The following SOX5 variants were observed in gnomAD, a reference collection of about 807,000 sequenced individuals.
The protein encoded by SOX5 is SRY-box transcription factor 5.
A neutral mutation model predicts 92.0 loss-of-function variants in SOX5; 9 were observed. That is an observed-to-expected ratio of 0.10 (90% confidence interval 0.06 to 0.17). SOX5 has a LOEUF of 0.17. Ranked by LOEUF, SOX5 falls within the 10% of genes least tolerant of loss-of-function variation. The pLI is 1.00. For synonymous variants in SOX5, 344 were observed against 336.3 expected (o/e 1.02, Z -0.25); for missense variants, 642 against 944.5 (o/e 0.68, Z 4.20).
intron 4 of SOX5, among the ~76,000 whole-genome samples, chr12:24,201,386 C>T (rs1303406829): frequency 2.0e-5 from 3 of 151,918 alleles, no homozygotes; most frequent in Admixed American, 6.6e-5. Flanking sequence ...TATACACAAA[C>T]ATTTCATGTA....
Position 23,846,032 on chromosome 12 carries a change from G to A in SOX5, c.432C>T (p.Asp144=), listed in dbSNP as rs1182732346. ...CTTCCATTTTCCTCTGCTTCAAGGT[G>A]TCAACAACATCAGCTAAACTGCCCT... ...RRKGSLADVV[D]TLKQRKMEEL... is the part of the protein sequence containing the mutation. The change falls in exon 3 of 15, where the codon GAC becomes GAT. Residue 144 remains aspartate, a synonymous_variant. Coordinates refer to ENST00000451604, the MANE Select transcript of SOX5 (RefSeq NM_006940.6). 8 of 1,613,954 alleles carry A rather than the reference G, an allele frequency of 5.0e-6. No individual in the cohort carries two copies. In the East Asian group the frequency reaches 1.6e-4, roughly 31 times the overall value.
chr12:24,045,186 C>T (rs1956879171), intron 4 of SOX5, among the ~76,000 whole-genome samples: 1 of 152,198 alleles, frequency 6.6e-6, no homozygotes, highest in Middle Eastern at 3.2e-3. Flanking sequence ...CCACCCCTGA[C>T]TAGCCATGTG....
At chr12:23,822,579 G>A (rs1263321434) in intron 3 of SOX5, among the ~76,000 whole-genome samples, 4 of 152,168 alleles carry the variant, frequency 2.6e-5, no homozygotes, top group Non-Finnish European at 4.4e-5. Context: ...GAAGTGCTGA[G>A]AAGAATGTAT....
rs35667008 is a variant in SOX5, at chr12:23,613,724, C to G, written c.1018-9191G>C. ...TGGCACATGGTACAACATGGATAAA[C>G]CTTAAAGGTATTATGCTATGCTAAG... On this transcript the variant is annotated intron_variant, in intron 8 of 14. Coordinates refer to ENST00000451604, the MANE Select transcript of SOX5 (RefSeq NM_006940.6). Among the ~76,000 whole-genome samples, 718 of 152,210 alleles carry G rather than the reference C, an allele frequency of 4.7e-3. 3 individuals are homozygous for G. The highest frequency in any genetic ancestry group is 0.01 in the Middle Eastern group (3 of 294).
chr12:24,025,584 G>A (rs1954790517), intron 4 of SOX5, among the ~76,000 whole-genome samples: 1 of 151,968 alleles, frequency 6.6e-6, no homozygotes, highest in Non-Finnish European at 1.5e-5. Context: ...TTCTTAGGCT[G>A]CAAAGACTCT....
chr12:24,438,386 G>A (rs998159499), intron 1 of SOX5, among the ~76,000 whole-genome samples: 2 of 151,912 alleles, frequency 1.3e-5, no homozygotes, highest in African/African-American at 2.4e-5. Flanking sequence ...CCTATGTAAC[G>A]AAACTGCACA....
chr12:24,137,548 C>G (rs1181664524), intron 4 of SOX5, among the ~76,000 whole-genome samples: 1 of 152,180 alleles, frequency 6.6e-6, no homozygotes, highest in East Asian at 1.9e-4. Flanking sequence ...AGGACAAACA[C>G]TTGAACCCTG....
At chr12:24,455,489 A>T (rs1057230373) in intron 1 of SOX5, among the ~76,000 whole-genome samples, 5 of 152,238 alleles carry the variant, frequency 3.3e-5, no homozygotes, top group Non-Finnish European at 5.9e-5. Context: ...CCTTAGAAAC[A>T]GCATAAAAAG....
rs1156430250 is a variant in SOX5, at chr12:23,529,946, T to C, written c.*4273A>G. Reference sequence around the variant, plus strand: ...TTTAGAGCCAGTGGAGCTATATAAATACTGTTTTAGTGAACCAGTGACGGA... The same window carrying C: ...TTTAGAGCCAGTGGAGCTATATAAACACTGTTTTAGTGAACCAGTGACGGA... On this transcript the variant is annotated 3_prime_UTR_variant, in exon 15 of 15. Coordinates refer to ENST00000451604, the MANE Select transcript of SOX5 (RefSeq NM_006940.6). 1 of 152,180 alleles carries C rather than the reference T, an allele frequency of 6.6e-6. No homozygotes were observed. Among genetic ancestry groups the C allele is most frequent in the Non-Finnish European group, 1.5e-5 (1 of 68,030 alleles). The allele number at this position is 152,180 out of a possible 1,614,324, so 9.4% of individuals were successfully genotyped here.
At chr12:23,550,546 C>T (rs1353511243) in intron 11 of SOX5, among the ~76,000 whole-genome samples, 1 of 151,810 alleles carries the variant, frequency 6.6e-6, no homozygotes, top group East Asian at 1.9e-4. Context: ...ATTAAGTAGC[C>T]TGTTATGATT....
chr12:24,298,832 T>C (rs1947615776), intron 2 of SOX5, among the ~76,000 whole-genome samples: 1 of 138,622 alleles, frequency 7.2e-6, no homozygotes, highest in African/African-American at 2.5e-5. Flanking sequence ...GTGAATGTAT[T>C]TTTGGAAGGT....
chr12:24,045,798 C>T (rs911660870), intron 4 of SOX5, among the ~76,000 whole-genome samples: 1 of 152,188 alleles, frequency 6.6e-6, no homozygotes, highest in Non-Finnish European at 1.5e-5. Flanking sequence ...ATCCTTTACA[C>T]ATTTCAGTGT....
chr12:23,971,141 G>C lies in SOX5; in HGVS notation c.-1-75117C>G, dbSNP rs866832567. On this transcript the variant is annotated intron_variant, in intron 4 of 4. Coordinates refer to the SOX5 transcript ENST00000446891. Reference sequence around the variant, plus strand: ...GCTGACTTTTTTTTTTTTTTTTTTTGAGAGGGAGTCTTGCTCTGTCGCCCA... The same window carrying C: ...GCTGACTTTTTTTTTTTTTTTTTTTCAGAGGGAGTCTTGCTCTGTCGCCCA... 3.0e-3 allele frequency among the ~76,000 whole-genome samples: 57 copies of C among 19,286 alleles called. 1 individual carries two copies. Among genetic ancestry groups the C allele is most frequent in the Non-Finnish European group, 1.8e-3 (20 of 11,268 alleles). The allele number at this position is 19,286 out of a possible 152,430, so 12.7% of individuals were successfully genotyped here. A position where few individuals can be genotyped will look rare whatever the true frequency, so the allele number is the denominator to read the frequency against.
intron 4 of SOX5, among the ~76,000 whole-genome samples, chr12:24,130,810 C>T (rs769580902): frequency 1.3e-5 from 2 of 152,170 alleles, no homozygotes; most frequent in Non-Finnish European, 2.9e-5. Flanking sequence ...ATTGGTGCAA[C>T]TCATGGCTTT....
chr12:23,575,563 A>T lies in SOX5; in HGVS notation c.1342+98T>A, dbSNP rs977565871. ...AAATTGAAGCTGTCCTATAGAATTC[A>T]AGCCGTGTATAGAGTGGGTGTGATG... On this transcript the variant is annotated intron_variant, in intron 10 of 14. Transcript: ENST00000451604. 5.0e-5 allele frequency: 57 copies of T among 1,134,508 alleles called. No homozygotes were observed. In the Middle Eastern group the frequency reaches 1.1e-3, roughly 21 times the overall value. The allele number at this position is 1,134,508 out of a possible 1,614,324, so 70.3% of individuals were successfully genotyped here.
At chr12:24,493,373 T>C (rs1947285941) in intron 1 of SOX5, among the ~76,000 whole-genome samples, 1 of 151,932 alleles carries the variant, frequency 6.6e-6, no homozygotes, top group African/African-American at 2.4e-5. Context: ...GAACATAAAA[T>C]AAAAAGAAGT....
intron 3 of SOX5, among the ~76,000 whole-genome samples, chr12:24,260,204 T>C (rs1156857352): frequency 6.6e-6 from 1 of 152,174 alleles, no homozygotes; most frequent in Non-Finnish European, 1.5e-5. Flanking sequence ...AAGAGCATGA[T>C]GAAGCATCGT....
chr12:23,683,400 C>T (rs549822183), intron 6 of SOX5, among the ~76,000 whole-genome samples: 2 of 152,008 alleles, frequency 1.3e-5, no homozygotes, highest in South Asian at 4.1e-4. Context: ...TGAATTAATG[C>T]TATCTCATAG....
At chr12:23,755,867 G>T (rs569152574) in intron 3 of SOX5, 143 bp from the exon 4 acceptor site, 25 of 537,856 alleles carry the variant, frequency 4.6e-5, no homozygotes, top group African/African-American at 8.1e-5. Context: ...GATAACAGGG[G>T]TGGAAAAAAA....
Sources: gnomAD v4.1 joint callset for allele counts (sites outside exome capture counted in the v4.1 genomes callset) on GRCh38, gnomAD v4.1.1 for gene constraint, MANE v1.5 for transcripts, NCBI Gene and HGNC (gene_info 2026-07-23, HGNC 2026-07-21) for gene names.